PCDHGA6: variants seen among roughly 807,000 people sequenced by gnomAD.
PCDHGA6 encodes the protein protocadherin gamma-A6.
PCDHGA6 carries 41 observed loss-of-function variants against 60.6 expected under a neutral mutation model. The ratio of observed to expected loss-of-function variants is 0.68; its 90% CI spans 0.53 to 0.88. The LOEUF is 0.88. PCDHGA6 is among the 40% of genes least tolerant of loss of function. The pLI, the probability that PCDHGA6 is intolerant of heterozygous loss-of-function variation, is 0.00. For missense variants in PCDHGA6, 1,312 were observed against 1,203.0 expected, an observed-to-expected ratio of 1.09 and a Z score of -1.34; for synonymous variants, 594 against 524.4, an observed-to-expected ratio of 1.13 and a Z score of -1.81.
intron 1 of PCDHGA6, chr5:141,420,103 G>C (rs754672450): frequency 4.3e-6 from 7 of 1,613,990 alleles, no homozygotes; most frequent in Non-Finnish European, 2.5e-6. Context: ...AGGGAACGTT[G>C]CCCTATGCCT....
chr5:141,395,178 G>T (rs1201622292), intron 1 of PCDHGA6: 2 of 1,614,142 alleles, frequency 1.2e-6, no homozygotes, highest in Non-Finnish European at 1.7e-6. Context: ...TGAGAAAAAT[G>T]ATTCTTTGTT....
At position 141,495,662 on chromosome 5, in the gene PCDHGA6, C is replaced by T. The variant is rs545912968; in HGVS notation, c.2483+797C>T. The stretch of plus-strand genomic sequence containing the variant: ...TTTGTCTACTTGCATTGATCTGTGC[C>T]GCCCACTGTGCCTGCCATGGCATAA... On this transcript the variant is annotated intron_variant, in intron 2 of 3. Coordinates refer to ENST00000517434, the MANE Select transcript of PCDHGA6 (RefSeq NM_018919.3). Among the ~76,000 whole-genome samples, 8 of 152,256 alleles carry T rather than the reference C, an allele frequency of 5.3e-5. No individual in the cohort carries two copies. In the South Asian group the frequency reaches 6.2e-4, roughly 12 times the overall value.
rs70988800 is a variant in PCDHGA6 at position 141,379,889 on chromosome 5, C to CTTTTTTTTTTTTTTTTTTTTTTTT, written c.2424+3389_2424+3412dup. Among the ~76,000 whole-genome samples, 49 of 50,830 alleles carry CTTTTTTTTTTTTTTTTTTTTTTTT rather than the reference C, an allele frequency of 9.6e-4. 5 individuals are homozygous for CTTTTTTTTTTTTTTTTTTTTTTTT. The highest frequency in any genetic ancestry group is 1.6e-3 in the Non-Finnish European group (41 of 25,880). 33.3% of individuals were successfully genotyped at this position (50,830 alleles called of 152,430 possible). ...CTTATTTTATGGTCTGTGAAAGCCT[C>CTTTTTTTTTTTTTTTTTTTTTTTT]TTTTTTTTTTTTTTTTTTTTTTTTT... On this transcript the variant is annotated intron_variant, in intron 1 of 3. Coordinates refer to ENST00000517434, the MANE Select transcript of PCDHGA6 (RefSeq NM_018919.3).
At chr5:141,482,943 G>T (rs2099574928) in intron 1 of PCDHGA6, among the ~76,000 whole-genome samples, 1 of 152,086 alleles carries the variant, frequency 6.6e-6, no homozygotes, top group Non-Finnish European at 1.5e-5. Context: ...TGTGGTTGTG[G>T]GTGCCTGTAA....
In PCDHGA6 at chr5:141,431,202, C is replaced by T. The variant is rs2097350864; in HGVS notation, c.2424+54695C>T. The stretch of plus-strand genomic sequence containing the variant: ...ATAAAAATTAGTGAAAATGCAGCCA[C>T]TGAGATGCGGTTCCCTCTACCCCAC... On this transcript the variant is annotated intron_variant, in intron 1 of 3. Coordinates refer to ENST00000517434, the MANE Select transcript of PCDHGA6 (RefSeq NM_018919.3). The surrounding 1 kb of genome is among the most constrained non-coding windows in gnomAD (Gnocchi z 4.8). 6.2e-7 allele frequency: 1 copy of T among 1,614,204 alleles called. No individual in the cohort carries two copies. Among genetic ancestry groups the T allele is most frequent in the Non-Finnish European group, 8.5e-7 (1 of 1,180,052 alleles).
At chr5:141,408,912 A>G (rs772751015) in intron 1 of PCDHGA6, 4 of 1,613,594 alleles carry the variant, frequency 2.5e-6, no homozygotes, top group Middle Eastern at 1.6e-4. Flanking sequence ...GATACCAATG[A>G]TAACCCCCCG....
intron 1 of PCDHGA6, chr5:141,394,742 G>T: frequency 1.2e-6 from 2 of 1,613,420 alleles, no homozygotes; most frequent in Non-Finnish European, 1.7e-6. Flanking sequence ...AGAGCCTCGT[G>T]GTGGCCGTCC....
intron 1 of PCDHGA6, 88 bp from the exon 2 acceptor site, chr5:141,494,719 C>T: frequency 6.2e-7 from 1 of 1,605,960 alleles, no homozygotes; most frequent in Non-Finnish European, 8.5e-7. Flanking sequence ...CCACTCCCCT[C>T]CTTCTCTCCC....
chr5:141,510,451 G>A (rs1330148267), intron 3 of PCDHGA6, among the ~76,000 whole-genome samples: 2 of 152,096 alleles, frequency 1.3e-5, no homozygotes, highest in East Asian at 1.9e-4. Context: ...AGGAGCCCAT[G>A]GTCTAGTGTG....
Position 141,436,164 on chromosome 5 carries a change from A to G in PCDHGA6, c.2425-58643A>G, listed in dbSNP as rs896845015. Among the ~76,000 whole-genome samples, 8 of 152,188 alleles carry G rather than the reference A, an allele frequency of 5.3e-5. No homozygotes were observed. The East Asian group carries it at 1.3e-3, about 26-fold the overall frequency. ...AACTACCAAAATGTTTATCATATGG[A>G]CAGTTCTCATATATAGTCAAATAGA... On this transcript the variant is annotated intron_variant, in intron 1 of 3. Transcript: ENST00000517434.
chr5:141,489,447 G>A lies in PCDHGA6; in HGVS notation c.2425-5360G>A. The A allele has an allele frequency of 5.6e-6, 9 of 1,614,134 alleles. No homozygotes were observed. The highest frequency in any genetic ancestry group is 7.6e-6 in the Non-Finnish European group (9 of 1,180,028). ...GCCGGCGGCTGCAATTGGGCTCTGA[G>A]GAGAATGGGCGCTATTTTTCCCTGA... On this transcript the variant is annotated intron_variant, in intron 1 of 3. Coordinates refer to ENST00000517434, the MANE Select transcript of PCDHGA6 (RefSeq NM_018919.3). This position sits in a 1 kb window ranked among gnomAD's most constrained non-coding sequence, Gnocchi z 4.5.
intron 1 of PCDHGA6, among the ~76,000 whole-genome samples, chr5:141,444,152 ATTTTTTTTTTTT>A (rs747671382): frequency 5.9e-4 from 20 of 33,896 alleles, no homozygotes; most frequent in African/African-American, 1.8e-3. Flanking sequence ...TGTGTACTGG[ATTTTTTTTTTTT>A]TTTTTTTTTT....
chr5:141,511,293 G>A lies in PCDHGA6; in HGVS notation c.*120G>A, dbSNP rs1028501355. On this transcript the variant is annotated 3_prime_UTR_variant, in exon 4 of 4. Coordinates refer to ENST00000517434, the MANE Select transcript of PCDHGA6 (RefSeq NM_018919.3). ...CCCCAGAATACTGGTAGGGGCCAAG[G>A]CCATGCTCCCCTTGGGAAACAGAAA... The A allele has an allele frequency of 3.3e-6, 5 of 1,509,316 alleles. No individual in the cohort carries two copies. In the African/African-American group the frequency reaches 5.6e-5, roughly 17 times the overall value. The allele number at this position is 1,509,316 out of a possible 1,614,324, so 93.5% of individuals were successfully genotyped here.
chr5:141,415,149 C>T, intron 1 of PCDHGA6: 1 of 1,613,796 alleles, frequency 6.2e-7, no homozygotes, highest in Middle Eastern at 1.6e-4. Context: ...AGCCCCCTCT[C>T]TCCGCCACTG....
At chr5:141,441,655 C>A in intron 1 of PCDHGA6, 1 of 247,430 alleles carries the variant, frequency 4.0e-6, no homozygotes. Context: ...TTCTAGGTGT[C>A]CTTGAGCGCA....
intron 1 of PCDHGA6, among the ~76,000 whole-genome samples, chr5:141,429,527 T>TA (rs1321273157): frequency 1.3e-5 from 2 of 152,038 alleles, no homozygotes; most frequent in African/African-American, 4.8e-5. Flanking sequence ...GAAAAAAGCT[T>TA]AAAAAAATAA....
At chr5:141,445,538 G>A (rs1188324168) in intron 1 of PCDHGA6, among the ~76,000 whole-genome samples, 1 of 152,168 alleles carries the variant, frequency 6.6e-6, no homozygotes, top group African/African-American at 2.4e-5. Flanking sequence ...AGCCAACAAG[G>A]AGAAATACAA....
intron 1 of PCDHGA6, chr5:141,423,496 G>A (rs1049120602): frequency 1.2e-6 from 2 of 1,613,804 alleles, no homozygotes; most frequent in African/African-American, 1.3e-5. Flanking sequence ...CTATTCCCAC[G>A]AGGTCTCTCT....
In PCDHGA6 at chr5:141,487,476, A is replaced by G; in HGVS notation, c.2425-7331A>G. Reference sequence around the variant, plus strand: ...ATCAAGTTTGTTGATGTGGGAGGCCACTCTCATGGCTGTACACCCTTGGCT... The same window carrying G: ...ATCAAGTTTGTTGATGTGGGAGGCCGCTCTCATGGCTGTACACCCTTGGCT... On this transcript the variant is annotated intron_variant, in intron 1 of 3. Transcript: ENST00000517434. The surrounding 1 kb of genome is among the most constrained non-coding windows in gnomAD (Gnocchi z 5.0). The G allele has an allele frequency of 6.2e-7, 1 of 1,614,004 alleles. No homozygotes were observed. Among genetic ancestry groups the G allele is most frequent in the Non-Finnish European group, 8.5e-7 (1 of 1,180,002 alleles).
Sources: allele counts gnomAD v4.1 joint callset (sites outside exome capture counted in the v4.1 genomes callset), GRCh38; gene constraint gnomAD v4.1.1; non-coding constraint Gnocchi (gnomAD v3.1); transcripts MANE v1.5; gene names NCBI Gene and HGNC (gene_info 2026-07-23, HGNC 2026-07-21).